OSBPL10: variants seen among roughly 807,000 people sequenced by gnomAD.
The protein encoded by OSBPL10 is oxysterol-binding protein-related protein 10.
In OSBPL10, 49 loss-of-function variants were observed where a neutral mutation model predicts 81.7. The ratio of observed to expected loss-of-function variants is 0.60; its 90% CI spans 0.48 to 0.76. The LOEUF is 0.76. OSBPL10 is among the 30% of genes least tolerant of loss of function. OSBPL10 has a pLI of 0.00. For missense variants in OSBPL10, 923 were observed against 987.8 expected (o/e 0.93, Z 0.88); for synonymous variants, 419 against 383.6 (o/e 1.09, Z -1.08).
chr3:31,731,823 A>T (rs1201266357), intron 6 of OSBPL10, among the ~76,000 whole-genome samples: 1 of 151,884 alleles, frequency 6.6e-6, no homozygotes, highest in Non-Finnish European at 1.5e-5. Context: ...TCGTATGCTA[A>T]TTTTTTTTGC....
At chr3:31,813,465 A>G (rs185475170) in intron 4 of OSBPL10, among the ~76,000 whole-genome samples, 121 of 152,354 alleles carry the variant, frequency 7.9e-4, no homozygotes, top group Non-Finnish European at 1.5e-3. Flanking sequence ...TGTTTTGTCT[A>G]TAAAATGACA....
chr3:31,667,611 T>A (rs1198019766), intron 10 of OSBPL10, among the ~76,000 whole-genome samples: 2 of 152,142 alleles, frequency 1.3e-5, no homozygotes, highest in Admixed American at 1.3e-4. Context: ...TTCTAAAGAG[T>A]GTATGCTCTT....
At chr3:31,933,207 A>G (rs1697296234) in intron 1 of OSBPL10, among the ~76,000 whole-genome samples, 1 of 152,144 alleles carries the variant, frequency 6.6e-6, no homozygotes, top group South Asian at 2.1e-4. Context: ...CACCAGAGTG[A>G]GCAGACTCAT....
chr3:31,802,787 C>T (rs1258258934), intron 4 of OSBPL10, among the ~76,000 whole-genome samples: 4 of 151,948 alleles, frequency 2.6e-5, no homozygotes, highest in Admixed American at 6.6e-5. Flanking sequence ...GAGTACATTC[C>T]TCTTTCTTCC....
At chr3:31,806,213 C>A (rs961038991) in intron 4 of OSBPL10, among the ~76,000 whole-genome samples, 3 of 152,166 alleles carry the variant, frequency 2.0e-5, no homozygotes, top group Non-Finnish European at 2.9e-5. Flanking sequence ...GCCCTTGTTC[C>A]CTCAGCCCTC....
chr3:31,882,099 G>A (rs1225475176), intron 1 of OSBPL10, among the ~76,000 whole-genome samples: 1 of 152,148 alleles, frequency 6.6e-6, no homozygotes, highest in Non-Finnish European at 1.5e-5. Flanking sequence ...CCTTTGCCTG[G>A]CAGTAGAGGT....
rs555574734 is a variant in OSBPL10 at position 31,664,396 on chromosome 3, C to T, written c.2097-164G>A. ...AGACCCCGAGAGCCTAGATTTGAAC[C>T]CAGGGCTACCCAGCTCCACCTCTGT... On this transcript the variant is annotated intron_variant, in intron 10 of 11. Coordinates refer to ENST00000396556, the MANE Select transcript of OSBPL10 (RefSeq NM_017784.5). The T allele has an allele frequency of 2.3e-5, 15 of 641,300 alleles. No homozygotes were observed. In the East Asian group the frequency reaches 3.8e-4, roughly 16 times the overall value. The allele number at this position is 641,300 out of a possible 1,614,324, so 39.7% of individuals were successfully genotyped here. A position where few individuals can be genotyped will look rare whatever the true frequency, so the allele number is the denominator to read the frequency against.
intron 3 of OSBPL10, among the ~76,000 whole-genome samples, chr3:31,866,087 G>C (rs62243014): frequency 0.25 from 37,415 of 151,928 alleles, 4,786 homozygotes; most frequent in Non-Finnish European, 0.29. Context: ...ACCCCAGGGC[G>C]GGAAAAAGTC....
At chr3:31,663,515 C>T in intron 11 of OSBPL10, 1 of 998,422 alleles carries the variant, frequency 1.0e-6, no homozygotes, top group Non-Finnish European at 1.2e-6. Flanking sequence ...CCCACTTGCC[C>T]AGATATTATT....
chr3:31,842,173 AT>A (rs1176606697), intron 3 of OSBPL10, among the ~76,000 whole-genome samples: 2 of 150,990 alleles, frequency 1.3e-5, no homozygotes, highest in African/African-American at 2.5e-5. Flanking sequence ...CAAAGTTAAA[AT>A]GACACACACA....
intron 7 of OSBPL10, among the ~76,000 whole-genome samples, chr3:31,687,723 T>A (rs1056256449): frequency 6.6e-6 from 1 of 151,888 alleles, no homozygotes; most frequent in Non-Finnish European, 1.5e-5. Context: ...CTTCTCTCAG[T>A]GGACAAGGGA....
chr3:31,702,167 G>C (rs1465492837), intron 7 of OSBPL10, among the ~76,000 whole-genome samples, 192 bp downstream of exon 7: 1 of 152,168 alleles, frequency 6.6e-6, no homozygotes, highest in African/African-American at 2.4e-5. Flanking sequence ...CCAGCCCTGA[G>C]GATAACCATT....
At chr3:31,767,090 T>G (rs961087333) in intron 4 of OSBPL10, among the ~76,000 whole-genome samples, 1 of 152,244 alleles carries the variant, frequency 6.6e-6, no homozygotes. Flanking sequence ...GTTATACTAC[T>G]TTTTCATATC....
At chr3:32,019,782 G>T (rs1699345623) in intron 2 of OSBPL10, among the ~76,000 whole-genome samples, 1 of 152,148 alleles carries the variant, frequency 6.6e-6, no homozygotes, top group Non-Finnish European at 1.5e-5. Context: ...CTTTCATTGT[G>T]TTATCTTTAT....
intron 3 of OSBPL10, among the ~76,000 whole-genome samples, chr3:31,838,756 T>C (rs988253061): frequency 1.1e-4 from 17 of 152,044 alleles, no homozygotes; most frequent in South Asian, 4.2e-4. Flanking sequence ...CAAAGGCCAA[T>C]ATAGCATACT....
chr3:31,983,506 T>C (rs966998403), upstream of OSBPL10, among the ~76,000 whole-genome samples: 2 of 152,142 alleles, frequency 1.3e-5, no homozygotes, highest in Non-Finnish European at 2.9e-5. Context: ...CTAAAAGGAA[T>C]AGTCAAGGCC....
chr3:31,997,259 A>G (rs1699098592), intron 2 of OSBPL10, among the ~76,000 whole-genome samples: 1 of 151,574 alleles, frequency 6.6e-6, no homozygotes, highest in Non-Finnish European at 1.5e-5. Flanking sequence ...ATTTATGAAC[A>G]TCATTCTTTT....
At position 31,744,990 on chromosome 3, in the gene OSBPL10, G is replaced by A. The variant is rs570441113; in HGVS notation, c.940+2920C>T. On this transcript the variant is annotated intron_variant, in intron 5 of 11. Transcript: ENST00000396556. Reference sequence around the variant, plus strand: ...TCTGAAAAGTCTCCAGTCTCACTCCGAATTTGTGCCCAGTCCTCAGCGAGG... The same window carrying A: ...TCTGAAAAGTCTCCAGTCTCACTCCAAATTTGTGCCCAGTCCTCAGCGAGG... 4.6e-5 allele frequency among the ~76,000 whole-genome samples: 7 copies of A among 152,292 alleles called. No individual in the cohort carries two copies. In the East Asian group the frequency reaches 9.6e-4, roughly 21 times the overall value.
intron 1 of OSBPL10, among the ~76,000 whole-genome samples, chr3:32,056,789 A>G (rs1699716071): frequency 6.6e-6 from 1 of 152,230 alleles, no homozygotes; most frequent in Non-Finnish European, 1.5e-5. Context: ...GGGGCTGGGT[A>G]AAATAAGTCT....
Sources: allele counts gnomAD v4.1 joint callset (sites outside exome capture counted in the v4.1 genomes callset), GRCh38; gene constraint gnomAD v4.1.1; transcripts MANE v1.5; gene names NCBI Gene and HGNC (gene_info 2026-07-23, HGNC 2026-07-21).